The following MYH13 variants were observed in gnomAD, a reference collection of about 807,000 sequenced individuals.
MYH13 encodes myosin heavy chain 13, also known as myosin-13.
In MYH13, 177 loss-of-function variants were observed where a neutral mutation model predicts 232.1. That is an observed-to-expected ratio of 0.76 (90% confidence interval 0.67 to 0.86). The LOEUF is 0.86. MYH13 is among the 40% of genes least tolerant of loss of function. The pLI is 0.00. For synonymous variants in MYH13, 884 were observed against 923.5 expected, an observed-to-expected ratio of 0.96 and a Z score of 0.78; for missense variants, 2,246 against 2,405.9, an observed-to-expected ratio of 0.93 and a Z score of 1.39.
rs757263442 is a variant in MYH13 at position 10,320,201 on chromosome 17, G to A, written c.3300C>T (p.Asp1100=). 8 of 1,604,230 alleles carry A rather than the reference G, an allele frequency of 5.0e-6. No individual in the cohort carries two copies. The African/African-American group carries it at 5.4e-5, about 11-fold the overall frequency. The change falls in exon 26 of 41, where the codon GAC becomes GAT. Residue 1100 remains aspartate (D), a synonymous_variant. Transcript: ENST00000252172. ...GAAACTGCAAACTGTGGACTTGTTC[G>A]TCATCTATTTTGGCTTGTAACTGAC... ...ELSQLQAKID[D]EQVHSLQFQK...
chr17:10,324,105 A>G lies in MYH13; in HGVS notation c.2851T>C (p.Cys951Arg), dbSNP rs1378173426. The G allele has an allele frequency of 1.2e-5, 20 of 1,613,800 alleles. No individual in the cohort carries two copies. In the East Asian group the frequency reaches 1.8e-4, roughly 14 times the overall value. The change falls in exon 23 of 41, where the codon TGC becomes CGC. Residue 951 changes from cysteine to arginine, a missense_variant. By Grantham distance (180) the Cys-to-Arg change is radical. Transcript: ENST00000252172. Reference protein sequence around the residue: ...VAKKRNLEDKCSSLKRDIDDL... With the variant: ...VAKKRNLEDKRSSLKRDIDDL... ...TCAATGTCTCTCTTGAGAGAGGAGCATTTATCTTCCAGATTCCTCTTCTTG... is the reference window on the plus strand; with the variant it reads ...TCAATGTCTCTCTTGAGAGAGGAGCGTTTATCTTCCAGATTCCTCTTCTTG...
intron 1 of MYH13, among the ~76,000 whole-genome samples, chr17:10,372,085 T>C (rs1354885575): frequency 1.3e-5 from 2 of 152,202 alleles, no homozygotes; most frequent in Admixed American, 1.3e-4. Context: ...TTACTATCCT[T>C]GTTGCCTCCT....
intron 29 of MYH13, among the ~76,000 whole-genome samples, 159 bp from the exon 30 acceptor site, chr17:10,313,513 C>T (rs1488924209): frequency 6.6e-6 from 1 of 152,110 alleles, no homozygotes; most frequent in Non-Finnish European, 1.5e-5. Flanking sequence ...AATTTTTTTT[C>T]AAGTGGACTC....
chr17:10,331,002 G>A (rs113743749), intron 20 of MYH13, among the ~76,000 whole-genome samples: 1 of 151,958 alleles, frequency 6.6e-6, no homozygotes, highest in Non-Finnish European at 1.5e-5. Flanking sequence ...GGGTGACAGA[G>A]CAAGACTCTG....
chr17:10,306,665 C>T lies in MYH13; in HGVS notation c.5296-36G>A, dbSNP rs1906298280. 1 of 1,611,886 alleles carries T rather than the reference C, an allele frequency of 6.2e-7. No individual in the cohort carries two copies. The highest frequency in any genetic ancestry group is 1.3e-5 in the African/African-American group (1 of 74,830). On this transcript the variant is annotated intron_variant, in intron 36 of 40. Coordinates refer to ENST00000252172, the MANE Select transcript of MYH13 (RefSeq NM_003802.3). This position sits in a 1 kb window ranked among gnomAD's most constrained non-coding sequence, Gnocchi z 4.3. ...TCACAGGACACATCAGAGGCCCTGT[C>T]CGCCCATCCCTACCCAGAGCTTGCA...
intron 29 of MYH13, among the ~76,000 whole-genome samples, chr17:10,313,643 G>A (rs1221374234): frequency 2.6e-5 from 4 of 152,156 alleles, no homozygotes; most frequent in Admixed American, 2.6e-4. Flanking sequence ...ATAAAGCAAT[G>A]TTATCATGTC....
Position 10,300,876 on chromosome 17 carries a change from A to T in MYH13, c.*75T>A. On this transcript the variant is annotated 3_prime_UTR_variant, in exon 41 of 41. Transcript: ENST00000252172. ...AGCAGAGCCGGGAATCCGAGTATTT[A>T]GGAGAATTTATTTCTCACACATTTT... The T allele has an allele frequency of 7.0e-7, 1 of 1,434,822 alleles. No homozygotes were observed. The highest frequency in any genetic ancestry group is 9.8e-7 in the Non-Finnish European group (1 of 1,025,130). The allele number at this position is 1,434,822 out of a possible 1,614,324, so 88.9% of individuals were successfully genotyped here.
At position 10,320,210 on chromosome 17, in the gene MYH13, T is replaced by C. The variant is rs752607679; in HGVS notation, c.3291A>G (p.Lys1097=). 1.9e-6 allele frequency: 3 copies of C among 1,605,786 alleles called. No individual in the cohort carries two copies. Among genetic ancestry groups the C allele is most frequent in the Non-Finnish European group, 2.6e-6 (3 of 1,175,762 alleles). Residue 1097 remains lysine, a synonymous_variant, in exon 26 of 41, where the codon AAA becomes AAG. Transcript: ENST00000252172. The part of the protein sequence containing the change: ...KEFELSQLQA[K]IDDEQVHSLQ... The stretch of plus-strand genomic sequence containing the variant: ...AACTGTGGACTTGTTCGTCATCTAT[T>C]TTGGCTTGTAACTGACTGAGTTCAA...
At chr17:10,366,044 A>T (rs955920714) in intron 2 of MYH13, among the ~76,000 whole-genome samples, 1 of 151,932 alleles carries the variant, frequency 6.6e-6, no homozygotes, top group Admixed American at 6.6e-5. Flanking sequence ...CAGAAAATTC[A>T]TCTTAAAGTC....
intron 27 of MYH13, 83 bp from the exon 28 acceptor site, chr17:10,316,108 G>A (rs763556760): frequency 2.7e-6 from 4 of 1,467,138 alleles, no homozygotes; most frequent in Non-Finnish European, 3.7e-6. Flanking sequence ...TAATCATTTA[G>A]TTTCTTGTCA....
rs543360372 is a variant in MYH13 at position 10,358,233 on chromosome 17, G to A, written c.646-406C>T. Among the ~76,000 whole-genome samples the A allele has an allele frequency of 9.7e-4, 147 of 152,220 alleles. 1 individual carries two copies. The highest frequency in any genetic ancestry group is 3.1e-3 in the African/African-American group (130 of 41,540). ...GAAGGAGAAATAGAATGTGAGCAAA[G>A]CAAGCGACCCAGGGGATGATACAAT... On this transcript the variant is annotated intron_variant, in intron 7 of 40. Coordinates refer to ENST00000252172, the MANE Select transcript of MYH13 (RefSeq NM_003802.3).
chr17:10,301,094 C>T (rs1285582568), intron 40 of MYH13, 129 bp from the exon 41 acceptor site: 12 of 857,660 alleles, frequency 1.4e-5, no homozygotes, highest in Non-Finnish European at 2.2e-5. Flanking sequence ...CGTTGTTTCC[C>T]TTTGAACATT....
At chr17:10,322,111 C>T (rs554793317) in intron 23 of MYH13, among the ~76,000 whole-genome samples, 8 of 152,152 alleles carry the variant, frequency 5.3e-5, no homozygotes, top group East Asian at 3.9e-4. Flanking sequence ...AGAAAATTCA[C>T]GCCGGGCGCG....
Position 10,354,929 on chromosome 17 carries a change from G to A in MYH13, c.867C>T (p.Tyr289=). 4 of 1,605,752 alleles carry A rather than the reference G, an allele frequency of 2.5e-6. No individual in the cohort carries two copies. Among genetic ancestry groups the A allele is most frequent in the Non-Finnish European group, 3.4e-6 (4 of 1,172,442 alleles). The change falls in exon 10 of 41, where the codon TAC becomes TAT. Residue 289 remains tyrosine, a synonymous_variant. Transcript: ENST00000252172. ...LSSERSYHIF[Y]QIMSNKKPEL... ...CTGGCTTCTTGTTTGACATAATTTG[G>A]TAGAAAATATGATAGCTTCTCTCAC...
At chr17:10,327,748 T>A in intron 22 of MYH13, 118 bp downstream of exon 22, 6 of 1,312,050 alleles carry the variant, frequency 4.6e-6, no homozygotes, top group Admixed American at 2.4e-5. Context: ...ATACTCCACA[T>A]GACCACTGGG....
intron 29 of MYH13, among the ~76,000 whole-genome samples, chr17:10,315,117 G>T (rs1163067703): frequency 2.0e-5 from 3 of 152,156 alleles, no homozygotes; most frequent in African/African-American, 7.2e-5. Context: ...GGGAGGAGGT[G>T]CCCTGGCTGG....
rs773938731 is a variant in MYH13 at position 10,303,469 on chromosome 17, C to T, written c.5496G>A (p.Val1832=). 2.0e-5 allele frequency: 32 copies of T among 1,613,938 alleles called. No homozygotes were observed. The highest frequency in any genetic ancestry group is 2.6e-5 in the Non-Finnish European group (31 of 1,179,874). Residue 1832 remains valine (V), a synonymous_variant, in exon 38 of 41, where the codon GTG becomes GTA. Transcript: ENST00000252172. ...GGGCTTCAGCTCCCCTCTTCTGTTCCACATCAAGCTCATTTTCCAGCTCCC... is the reference window on the plus strand; with the variant it reads ...GGGCTTCAGCTCCCCTCTTCTGTTCTACATCAAGCTCATTTTCCAGCTCCC... The part of the protein sequence containing the change: ...RVRELENELD[V]EQKRGAEALK...
intron 22 of MYH13, among the ~76,000 whole-genome samples, chr17:10,325,529 C>G (rs911755125): frequency 2.6e-5 from 4 of 152,078 alleles, no homozygotes; most frequent in Admixed American, 1.3e-4. Flanking sequence ...TCTCCTCGAA[C>G]CACAGAACAG....
chr17:10,303,849 T>C (rs538165394), intron 37 of MYH13, among the ~76,000 whole-genome samples: 39 of 152,288 alleles, frequency 2.6e-4, no homozygotes, highest in African/African-American at 9.1e-4. Flanking sequence ...CCGTTCACAA[T>C]AGCAAAGCCT....
Sources: gnomAD v4.1 joint callset for allele counts (sites outside exome capture counted in the v4.1 genomes callset) on GRCh38, gnomAD v4.1.1 for gene constraint, Gnocchi (gnomAD v3.1) non-coding constraint, MANE v1.5 for transcripts, NCBI Gene and HGNC (gene_info 2026-07-23, HGNC 2026-07-21) for gene names.